The following PCDHGA1 variants were observed in gnomAD, a reference collection of about 807,000 sequenced individuals.
PCDHGA1 encodes protocadherin gamma-A1.
PCDHGA1 carries 32 observed loss-of-function variants against 58.0 expected under a neutral mutation model. That is an observed-to-expected ratio of 0.55 (90% CI 0.42 to 0.74). The LOEUF (loss-of-function observed/expected upper bound fraction) is 0.74, where lower values mean the gene tolerates loss of function less well. Among genes scored for constraint, PCDHGA1 ranks in the 30% least tolerant of loss-of-function variants. The pLI is 0.00. For missense variants in PCDHGA1, 1,205 were observed against 1,182.3 expected, an observed-to-expected ratio of 1.02 and a Z score of -0.28; for synonymous variants, 498 against 501.1, an observed-to-expected ratio of 0.99 and a Z score of 0.08.
intron 2 of PCDHGA1, among the ~76,000 whole-genome samples, chr5:141,501,258 T>G (rs2099806611): frequency 1.3e-5 from 2 of 150,950 alleles, no homozygotes; most frequent in South Asian, 4.2e-4. Flanking sequence ...GGGAGTATTT[T>G]ATTATAGTCC....
chr5:141,499,485 A>G (rs1278629076), intron 2 of PCDHGA1, among the ~76,000 whole-genome samples: 2 of 152,226 alleles, frequency 1.3e-5, no homozygotes, highest in Non-Finnish European at 2.9e-5. Flanking sequence ...ACCACCAACT[A>G]CAGTTTAATA....
At position 141,331,728 on chromosome 5, in the gene PCDHGA1, C is replaced by T. The variant is rs1756374195; in HGVS notation, c.1044C>T (p.Thr348=). 2 of 1,614,016 alleles carry T rather than the reference C, an allele frequency of 1.2e-6. No individual in the cohort carries two copies. The highest frequency in any genetic ancestry group is 1.7e-6 in the Non-Finnish European group (2 of 1,179,964). ...TAAATGATAATGCCCCAGAAGTGAC[C>T]ATCACCTCTGTCACCACTGCAGTTC... ...LDVNDNAPEV[T]ITSVTTAVPE... is the part of the protein sequence containing the mutation. The change falls in exon 1 of 4, where the codon ACC becomes ACT. Residue 348 remains threonine, a synonymous_variant. Transcript: ENST00000517417.
chr5:141,410,569 T>C (rs908906606), intron 1 of PCDHGA1: 1 of 1,612,242 alleles, frequency 6.2e-7, no homozygotes, highest in African/African-American at 1.3e-5. Context: ...GAGCCTTAAT[T>C]CCACCTCATG....
chr5:141,357,709 A>G (rs1760706565), intron 1 of PCDHGA1: 1 of 1,470,964 alleles, frequency 6.8e-7, no homozygotes, highest in South Asian at 1.4e-5. Flanking sequence ...TAATATATCA[A>G]ATAAAGTTGC....
At chr5:141,433,211 T>TC in intron 1 of PCDHGA1, 1 of 1,568,160 alleles carries the variant, frequency 6.4e-7, no homozygotes, top group Non-Finnish European at 8.6e-7. Context: ...CTTCTTTCTT[T>TC]TTTTTTTTTA....
At chr5:141,440,501 A>G (rs2098183001) in intron 1 of PCDHGA1, 1 of 152,174 alleles carries the variant, frequency 6.6e-6, no homozygotes, top group African/African-American at 2.4e-5. Context: ...TCACATTAAT[A>G]TGGAGATTCA....
chr5:141,408,256 T>C, intron 1 of PCDHGA1: 1 of 1,602,226 alleles, frequency 6.2e-7, no homozygotes, highest in East Asian at 2.3e-5. Flanking sequence ...AGGTGCTATT[T>C]CCTTTGCTGC....
intron 1 of PCDHGA1, chr5:141,370,874 T>A (rs369229257): frequency 1.2e-6 from 2 of 1,613,942 alleles, no homozygotes; most frequent in African/African-American, 2.7e-5. Context: ...CGCAAGATCC[T>A]GATGTAGGTG....
chr5:141,501,509 C>T lies in PCDHGA1; in HGVS notation c.2481-3884C>T, dbSNP rs1046763108. 4.6e-5 allele frequency among the ~76,000 whole-genome samples: 7 copies of T among 152,080 alleles called. No individual in the cohort carries two copies. The South Asian group carries it at 6.2e-4, about 14-fold the overall frequency. On this transcript the variant is annotated intron_variant, in intron 2 of 3. Transcript: ENST00000517417. The stretch of plus-strand genomic sequence containing the variant: ...ATATCTGCTGCTGGGGCTCCAAGGC[C>T]TCCAAGCTGAAGCCCAGTACGTTGT...
At chr5:141,344,330 C>T (rs1203905820) in intron 1 of PCDHGA1, 21 of 1,613,830 alleles carry the variant, frequency 1.3e-5, no homozygotes, top group Non-Finnish European at 1.8e-5. Context: ...GCGCTCAGAT[C>T]CCGCTGTGTC....
At chr5:141,366,193 G>T (rs1192545271) in intron 1 of PCDHGA1, 2 of 1,613,934 alleles carry the variant, frequency 1.2e-6, no homozygotes, top group Admixed American at 3.3e-5. Flanking sequence ...CGGTTGGGCT[G>T]CACACGGGCG....
At chr5:141,350,972 G>T (rs956940005) in intron 1 of PCDHGA1, 1 of 1,614,038 alleles carries the variant, frequency 6.2e-7, no homozygotes, top group Non-Finnish European at 8.5e-7. Flanking sequence ...TAATGCTCCC[G>T]TGTTTAGCCA....
rs146615755 is a variant in PCDHGA1 at position 141,486,022 on chromosome 5, T to C, written c.2422-8785T>C. The C allele has an allele frequency of 1.2e-6, 2 of 1,614,030 alleles. No homozygotes were observed. Among genetic ancestry groups the C allele is most frequent in the Non-Finnish European group, 1.7e-6 (2 of 1,180,036 alleles). Reference sequence around the variant, plus strand: ...GTAACGTCACCTTTTATTTCAGTGGTCATACCCCTGATCGTGTAAGAAACC... The same window carrying C: ...GTAACGTCACCTTTTATTTCAGTGGCCATACCCCTGATCGTGTAAGAAACC... On this transcript the variant is annotated intron_variant, in intron 1 of 3. Coordinates refer to ENST00000517417, the MANE Select transcript of PCDHGA1 (RefSeq NM_018912.3). The surrounding 1 kb of genome is among the most constrained non-coding windows in gnomAD (Gnocchi z 5.0).
intron 1 of PCDHGA1, among the ~76,000 whole-genome samples, chr5:141,437,052 T>A (rs986734485): frequency 6.6e-5 from 10 of 152,258 alleles, no homozygotes; most frequent in Non-Finnish European, 1.3e-4. Flanking sequence ...AGAAGGCTGG[T>A]GATCATTATT....
At chr5:141,409,429 C>T (rs767514268) in intron 1 of PCDHGA1, 3 of 1,613,872 alleles carry the variant, frequency 1.9e-6, no homozygotes, top group African/African-American at 1.3e-5. Flanking sequence ...CAGATGGAGC[C>T]CTGGACCGAG....
At chr5:141,350,452 G>A in intron 1 of PCDHGA1, 3 of 1,612,026 alleles carry the variant, frequency 1.9e-6, no homozygotes, top group Non-Finnish European at 2.5e-6. Flanking sequence ...CTCGAAAACT[G>A]CGGGTTAGTG....
At position 141,491,067 on chromosome 5, in the gene PCDHGA1, G is replaced by T. The variant is rs752758445; in HGVS notation, c.2422-3740G>T. On this transcript the variant is annotated intron_variant, in intron 1 of 3. Transcript: ENST00000517417. The surrounding 1 kb of genome is among the most constrained non-coding windows in gnomAD (Gnocchi z 6.9). Reference sequence around the variant, plus strand: ...ACAATGCGTGGCTCTCCTACTCACTGTTGCCACAGTCCACAGCCCCAGGAC... The same window carrying T: ...ACAATGCGTGGCTCTCCTACTCACTTTTGCCACAGTCCACAGCCCCAGGAC... 1.2e-6 allele frequency: 2 copies of T among 1,614,200 alleles called. No homozygotes were observed. The highest frequency in any genetic ancestry group is 1.7e-6 in the Non-Finnish European group (2 of 1,180,040).
At chr5:141,337,655 G>C (rs1429127568) in intron 1 of PCDHGA1, among the ~76,000 whole-genome samples, 1 of 152,208 alleles carries the variant, frequency 6.6e-6, no homozygotes, top group East Asian at 1.9e-4. Context: ...AATAAGTACA[G>C]AGTTTCAGTT....
rs1001089000 is a variant in PCDHGA1, at chr5:141,370,469, A to T, written c.2421+37364A>T. The T allele has an allele frequency of 4.3e-6, 7 of 1,613,198 alleles. No homozygotes were observed. The African/African-American group carries it at 9.3e-5, about 22-fold the overall frequency. Reference sequence around the variant, plus strand: ...TATTTCTCTTCCTGCTCTCTTTGTTAGACCAGGCTCTCTCCGAACCGATCC... The same window carrying T: ...TATTTCTCTTCCTGCTCTCTTTGTTTGACCAGGCTCTCTCCGAACCGATCC... On this transcript the variant is annotated intron_variant, in intron 1 of 3. Transcript: ENST00000517417.
Sources: allele counts gnomAD v4.1 joint callset (sites outside exome capture counted in the v4.1 genomes callset), GRCh38; gene constraint gnomAD v4.1.1; non-coding constraint Gnocchi (gnomAD v3.1); transcripts MANE v1.5; gene names NCBI Gene and HGNC (gene_info 2026-07-23, HGNC 2026-07-21).